The following SLC35E1 variants were observed in gnomAD, a reference collection of about 807,000 sequenced individuals.
SLC35E1 encodes the protein solute carrier family 35 member E1.
SLC35E1 carries 12 observed loss-of-function variants against 31.0 expected under a neutral mutation model. The ratio of observed to expected loss-of-function variants is 0.39; its 90% confidence interval spans 0.25 to 0.63. The LOEUF (loss-of-function observed/expected upper bound fraction) is 0.63. Ranked by LOEUF, SLC35E1 falls within the 20% of genes least tolerant of loss-of-function variation. The pLI is 0.52. For synonymous variants in SLC35E1, 257 were observed against 264.1 expected (o/e 0.97, Z 0.26); for missense variants, 429 against 572.2 (o/e 0.75, Z 2.55).
Position 16,555,548 on chromosome 19 carries a change from G to A in SLC35E1, c.757-151C>T, listed in dbSNP as rs1481236775. 8 of 1,015,828 alleles carry A rather than the reference G, an allele frequency of 7.9e-6. No individual in the cohort carries two copies. The highest frequency in any genetic ancestry group is 3.2e-5 in the African/African-American group (2 of 61,752). The allele number at this position is 1,015,828 out of a possible 1,614,324, so 62.9% of individuals were successfully genotyped here. A position where few individuals can be genotyped will look rare whatever the true frequency, so the allele number is the denominator to read the frequency against. Reference sequence around the variant, plus strand: ...GCAGCCAGTCCAGATGTGTCACCAAGAGACACTAGGTGCTTTAGGTCCATG... The same window carrying A: ...GCAGCCAGTCCAGATGTGTCACCAAAAGACACTAGGTGCTTTAGGTCCATG... On this transcript the variant is annotated intron_variant, in intron 4 of 5. Transcript: ENST00000595753. This position sits in a 1 kb window ranked among gnomAD's most constrained non-coding sequence, Gnocchi z 4.1.
intron 3 of SLC35E1, among the ~76,000 whole-genome samples, chr19:16,567,690 T>C (rs1318430099): frequency 6.6e-6 from 1 of 151,938 alleles, no homozygotes; most frequent in Non-Finnish European, 1.5e-5. Flanking sequence ...GTGTCTGGAG[T>C]AGCTGGGATT....
At chr19:16,559,463 TACACACACACACACACAC>T (rs61643316) in intron 4 of SLC35E1, among the ~76,000 whole-genome samples, 1 of 142,304 alleles carries the variant, frequency 7.0e-6, no homozygotes, top group Non-Finnish European at 1.5e-5. Flanking sequence ...CTACAAAAAA[TACACACACACACACACAC>T]ACACACACAC....
chr19:16,566,399 G>C, intron 4 of SLC35E1, 133 bp downstream of exon 4: 1 of 1,238,326 alleles, frequency 8.1e-7, no homozygotes, highest in South Asian at 1.5e-5. Context: ...ACAGAGGACT[G>C]ACTGCTGAAA....
In SLC35E1 at chr19:16,553,773, TAGTC is replaced by T; in HGVS notation, c.1135_1138del (p.Asp379IlefsTer9). 6.2e-7 allele frequency: 1 copy of T among 1,613,552 alleles called. No homozygotes were observed. The highest frequency in any genetic ancestry group is 8.5e-7 in the Non-Finnish European group (1 of 1,179,720). Reference sequence around the variant, plus strand: ...TAAGATGTTGTTGCGGCCGTACTGATAGTCCCCGTGCTGGGGGAAGAGGAGGCCG... The same window carrying T: ...TAAGATGTTGTTGCGGCCGTACTGATCCCGTGCTGGGGGAAGAGGAGGCCG... On this transcript the variant is annotated frameshift_variant, in exon 6 of 6. Transcript: ENST00000595753. LOFTEE classifies it high-confidence loss of function.
chr19:16,554,750 G>A (rs918406114), intron 5 of SLC35E1, among the ~76,000 whole-genome samples: 4 of 150,698 alleles, frequency 2.7e-5, no homozygotes, highest in Admixed American at 6.6e-5. Flanking sequence ...CCCGGGAGGC[G>A]GAGGTTGCAG....
Position 16,562,381 on chromosome 19 carries a change from A to C in SLC35E1, c.756+4151T>G, listed in dbSNP as rs1233867928. Among the ~76,000 whole-genome samples, 3 of 152,214 alleles carry C rather than the reference A, an allele frequency of 2.0e-5. No homozygotes were observed. The East Asian group carries it at 5.8e-4, about 29-fold the overall frequency. On this transcript the variant is annotated intron_variant, in intron 4 of 5. Coordinates refer to ENST00000595753, the MANE Select transcript of SLC35E1 (RefSeq NM_024881.5). ...ATGAGATGAAATGAACAAGGTGCAG[A>C]ATAGTTCAGCTCCCCTTCAGTATCC...
chr19:16,555,610 C>T lies in SLC35E1; in HGVS notation c.757-213G>A. 1 of 584,628 alleles carries T rather than the reference C, an allele frequency of 1.7e-6. No homozygotes were observed. The highest frequency in any genetic ancestry group is 2.9e-6 in the Non-Finnish European group (1 of 341,596). The allele number at this position is 584,628 out of a possible 1,614,324, so 36.2% of individuals were successfully genotyped here. ...TCATGACACCACACAGCATGGGAAT[C>T]ACCCGCCGTCTCCTGCCAAGGAAAC... On this transcript the variant is annotated intron_variant, in intron 4 of 5. Coordinates refer to ENST00000595753, the MANE Select transcript of SLC35E1 (RefSeq NM_024881.5). The surrounding 1 kb of genome is among the most constrained non-coding windows in gnomAD (Gnocchi z 4.1).
intron 4 of SLC35E1, chr19:16,564,947 T>C: frequency 2.9e-6 from 1 of 340,010 alleles, no homozygotes; most frequent in Admixed American, 4.1e-5. Flanking sequence ...AGAGGTAATA[T>C]CCACTACTTC....
chr19:16,562,590 T>C (rs962736767), intron 4 of SLC35E1, among the ~76,000 whole-genome samples: 1 of 151,186 alleles, frequency 6.6e-6, no homozygotes, highest in East Asian at 1.9e-4. Context: ...TGTTATACTG[T>C]ATTATTTTAA....
chr19:16,565,814 CTTTTTTTTTTTTTTT>C (rs536769066), intron 4 of SLC35E1: 2 of 69,280 alleles, frequency 2.9e-5, no homozygotes, highest in East Asian at 4.9e-4. Flanking sequence ...CTGCGCCCGG[CTTTTTTTTTTTTTTT>C]TTTTTTTTTT....
At chr19:16,562,055 C>G (rs1274043867) in intron 4 of SLC35E1, among the ~76,000 whole-genome samples, 1 of 151,824 alleles carries the variant, frequency 6.6e-6, no homozygotes, top group Non-Finnish European at 1.5e-5. Flanking sequence ...AAAACACCAC[C>G]AAACATAACA....
At chr19:16,556,853 G>T in intron 4 of SLC35E1, 1 of 471,220 alleles carries the variant, frequency 2.1e-6, no homozygotes, top group Non-Finnish European at 4.4e-6. Flanking sequence ...AATGCAAGAA[G>T]ACACGCTTAG....
Position 16,550,670 on chromosome 19 carries a change from T to C in SLC35E1, c.*3009A>G, listed in dbSNP as rs1056365235. On this transcript the variant is annotated 3_prime_UTR_variant, in exon 6 of 6. Coordinates refer to ENST00000595753, the MANE Select transcript of SLC35E1 (RefSeq NM_024881.5). Reference sequence around the variant, plus strand: ...TCACCTGAACCCGGGGGATGGAGGTTGTAGTGAGCTGAGACTGCGCCACTG... The same window carrying C: ...TCACCTGAACCCGGGGGATGGAGGTCGTAGTGAGCTGAGACTGCGCCACTG... The C allele has an allele frequency of 2.0e-5, 3 of 152,138 alleles. No individual in the cohort carries two copies. The highest frequency in any genetic ancestry group is 7.2e-5 in the African/African-American group (3 of 41,390). 9.4% of individuals were successfully genotyped at this position (152,138 alleles called of 1,614,324 possible).
chr19:16,566,822 A>T (rs1407463536), intron 3 of SLC35E1, among the ~76,000 whole-genome samples, 165 bp from the exon 4 acceptor site: 1 of 152,260 alleles, frequency 6.6e-6, no homozygotes, highest in Non-Finnish European at 1.5e-5. Flanking sequence ...CACAGGCCTG[A>T]AACAAGCACC....
At chr19:16,554,423 A>T (rs1014682404) in intron 5 of SLC35E1, among the ~76,000 whole-genome samples, 1 of 152,102 alleles carries the variant, frequency 6.6e-6, no homozygotes. Flanking sequence ...TTATGCCTGT[A>T]GTTCAAGTGC....
chr19:16,566,514 T>C lies in SLC35E1; in HGVS notation c.756+18A>G, dbSNP rs753345240. 8 of 1,612,368 alleles carry C rather than the reference T, an allele frequency of 5.0e-6. No individual in the cohort carries two copies. The highest frequency in any genetic ancestry group is 5.9e-6 in the Non-Finnish European group (7 of 1,179,908). ...ACTAGCCAAGAAAATGGCGTGTTCT[T>C]GGTGCTGTACAACTCACCAAGTCGC... On this transcript the variant is annotated intron_variant, in intron 4 of 5. Transcript: ENST00000595753.
At chr19:16,566,424 G>A (rs1160171568) in intron 4 of SLC35E1, 108 bp downstream of exon 4, 24 of 1,486,062 alleles carry the variant, frequency 1.6e-5, no homozygotes, top group Non-Finnish European at 2.0e-5. Context: ...TGGCTGTCAG[G>A]TGCCCAAAAG....
intron 4 of SLC35E1, among the ~76,000 whole-genome samples, chr19:16,563,484 G>A (rs1297144203): frequency 1.3e-5 from 2 of 152,130 alleles, no homozygotes; most frequent in Non-Finnish European, 2.9e-5. Flanking sequence ...GGAGGGGACA[G>A]GGAGAGTACA....
chr19:16,557,873 G>C (rs1198346456), intron 4 of SLC35E1, among the ~76,000 whole-genome samples: 2 of 152,124 alleles, frequency 1.3e-5, no homozygotes, highest in Non-Finnish European at 2.9e-5. Context: ...CAGTGCAGTG[G>C]TGGGATCTCT....
Sources: allele counts gnomAD v4.1 joint callset (sites outside exome capture counted in the v4.1 genomes callset), GRCh38; gene constraint gnomAD v4.1.1; non-coding constraint Gnocchi (gnomAD v3.1); transcripts MANE v1.5; gene names NCBI Gene and HGNC (gene_info 2026-07-23, HGNC 2026-07-21).